The following PCNX1 variants were observed in gnomAD, a reference collection of about 807,000 sequenced individuals.
The protein encoded by PCNX1 is pecanex 1, also known as pecanex-like protein 1.
In PCNX1, 78 loss-of-function variants were observed where a neutral mutation model predicts 242.2. That is an observed-to-expected ratio of 0.32 (90% CI 0.27 to 0.39). The LOEUF (loss-of-function observed/expected upper bound fraction) is 0.39, where lower values mean the gene tolerates loss of function less well. Among genes scored for constraint, PCNX1 ranks in the 10% least tolerant of loss-of-function variants. The pLI is 1.00. For synonymous variants in PCNX1, 1,024 were observed against 1,032.9 expected (o/e 0.99, Z 0.17); for missense variants, 2,581 against 2,856.5 (o/e 0.90, Z 2.20).
intron 6 of PCNX1, among the ~76,000 whole-genome samples, chr14:70,984,473 A>G (rs973197511): frequency 1.3e-5 from 2 of 150,858 alleles, no homozygotes; most frequent in African/African-American, 4.9e-5. Context: ...TGCAAGCTCC[A>G]CCTTCTGAGT....
rs546976271 is a variant in PCNX1, at chr14:70,958,302, C to T, written c.363-3924C>T. Among the ~76,000 whole-genome samples, 24 of 152,180 alleles carry T rather than the reference C, an allele frequency of 1.6e-4. No individual in the cohort carries two copies. The East Asian group carries it at 3.3e-3, about 21-fold the overall frequency. ...ATGGCTTAGAGTTAGGAACCTGTTA[C>T]GCAAACAGGGACATTATAATTATGA... On this transcript the variant is annotated intron_variant, in intron 2 of 35. Transcript: ENST00000304743.
intron 8 of PCNX1, among the ~76,000 whole-genome samples, chr14:71,003,014 A>G (rs2059548531): frequency 6.7e-6 from 1 of 149,912 alleles, no homozygotes; most frequent in African/African-American, 2.5e-5. Context: ...ACATACATAT[A>G]TATCTTCTTT....
Position 71,112,069 on chromosome 14 carries a change from T to G in PCNX1, c.*2134T>G, listed in dbSNP as rs535215890. ...GAAAGGAACTATGTTCCCTGCTGCT[T>G]CTTCCCTTTCTGAAGTGAATATGAT... is the stretch of plus-strand genomic sequence containing the variant. On this transcript the variant is annotated 3_prime_UTR_variant, in exon 36 of 36. Transcript: ENST00000304743. 15 of 152,530 alleles carry G rather than the reference T, an allele frequency of 9.8e-5. No individual in the cohort carries two copies. The highest frequency in any genetic ancestry group is 3.8e-4 in the East Asian group (2 of 5,206). The allele number at this position is 152,530 out of a possible 1,614,324, so 9.4% of individuals were successfully genotyped here.
At chr14:71,053,519 TGTTGACCA>T (rs1323816604) in intron 24 of PCNX1, 1 of 325,190 alleles carries the variant, frequency 3.1e-6, no homozygotes, top group Non-Finnish European at 6.0e-6. Flanking sequence ...GGTTTCACCA[TGTTGACCA>T]GGCTGGTCTT....
At position 71,102,141 on chromosome 14, in the gene PCNX1, G is replaced by A. The variant is rs749604103; in HGVS notation, c.5741G>A (p.Arg1914Gln). The stretch of plus-strand genomic sequence containing the variant: ...AACTCTCCCTCCTTGCTTGCTCTGC[G>A]GCATGTCATGGATGATGGCACCAAT... ...LANSPSLLALRHVMDDGTNEY... is the reference protein window; with the variant it reads ...LANSPSLLALQHVMDDGTNEY... The change falls in exon 31 of 36, where the codon CGG becomes CAG. Residue 1914 changes from arginine (R) to glutamine (Q), a missense_variant. Transcript: ENST00000304743. 2.5e-6 allele frequency: 4 copies of A among 1,614,010 alleles called. No individual in the cohort carries two copies. Among genetic ancestry groups the A allele is most frequent in the Admixed American group, 1.7e-5 (1 of 60,018 alleles).
intron 8 of PCNX1, among the ~76,000 whole-genome samples, chr14:70,996,804 G>A (rs1015272333): frequency 1.3e-5 from 2 of 152,106 alleles, no homozygotes; most frequent in Non-Finnish European, 2.9e-5. Context: ...TCCAGTTACT[G>A]TTTCAACTGG....
rs1323128295 is a variant in PCNX1 at position 70,907,995 on chromosome 14, C to T, written c.145C>T (p.Leu49Phe). Residue 49 changes from leucine to phenylalanine, a missense_variant, in exon 1 of 36, where the codon CTC becomes TTC. By Grantham distance (22) the Leu-to-Phe change is conservative. Around this residue, in one of 9 missense-constraint regions of PCNX1, gnomAD observed 1,204 missense variants for 1,216.7 expected, o/e 0.99. Coordinates refer to ENST00000304743, the MANE Select transcript of PCNX1 (RefSeq NM_014982.3). The part of the protein sequence containing the change: ...WLFLLGLPFT[L>F]YMALPSTMII... ...CTTTCTGCTGGGCCTGCCCTTCACC[C>T]TCTACATGGTGAGTGTGGGGGCGGG... The T allele has an allele frequency of 6.3e-7, 1 of 1,593,038 alleles. No individual in the cohort carries two copies.
At chr14:70,946,402 C>CA (rs2140299279) in intron 1 of PCNX1, among the ~76,000 whole-genome samples, 2 of 152,294 alleles carry the variant, frequency 1.3e-5, no homozygotes, top group South Asian at 4.1e-4. Flanking sequence ...TTGATTTCTT[C>CA]ACATATACTG....
intron 7 of PCNX1, among the ~76,000 whole-genome samples, chr14:70,992,551 C>G (rs1338510632): frequency 9.7e-6 from 1 of 103,238 alleles, no homozygotes; most frequent in Non-Finnish European, 1.9e-5. Flanking sequence ...AGAAAGGTAA[C>G]TAGCAGTATA....
chr14:71,019,063 C>G lies in PCNX1; in HGVS notation c.3051C>G (p.Ala1017=). 1.2e-6 allele frequency: 2 copies of G among 1,613,086 alleles called. No homozygotes were observed. The highest frequency in any genetic ancestry group is 1.7e-6 in the Non-Finnish European group (2 of 1,179,534). The change falls in exon 12 of 36, where the codon GCC becomes GCG. Residue 1017 remains alanine (A), a synonymous_variant. Coordinates refer to ENST00000304743, the MANE Select transcript of PCNX1 (RefSeq NM_014982.3). ...CTGTCATCCTGGCTATTCTCGTGGC[C>G]TTTTTGGGATCTATTCTTCTCATAC... The part of the protein sequence containing the change: ...VLAVILAILV[A]FLGSILLIQG...
intron 6 of PCNX1, among the ~76,000 whole-genome samples, chr14:70,984,067 C>A (rs893743971): frequency 6.6e-6 from 1 of 151,284 alleles, no homozygotes; most frequent in African/African-American, 2.4e-5. Flanking sequence ...GATGCCTTTT[C>A]TTTTTCTGAG....
chr14:71,026,391 T>G (rs2060244690), intron 14 of PCNX1, 103 bp downstream of exon 14: 2 of 688,818 alleles, frequency 2.9e-6, no homozygotes, highest in Admixed American at 3.3e-5. Context: ...TTTAATAAGC[T>G]TATTTTACTG....
Position 71,103,507 on chromosome 14 carries a change from G to C in PCNX1, c.5933G>C (p.Arg1978Thr). 6.2e-7 allele frequency: 1 copy of C among 1,614,192 alleles called. No individual in the cohort carries two copies. The highest frequency in any genetic ancestry group is 8.5e-7 in the Non-Finnish European group (1 of 1,180,024). Residue 1978 changes from arginine to threonine, a missense_variant, in exon 32 of 36, where the codon AGA becomes ACA. By Grantham distance (71) the Arg-to-Thr change is moderately conservative. This residue lies in a region of PCNX1 where 298 missense variants were observed against 480.1 expected (regional missense o/e 0.62). Transcript: ENST00000304743. ...GSIQNAKQAL[R>T]NMINSSCDQP... ...ATCCAAAATGCAAAGCAAGCCCTGA[G>C]AAACATGATAAACTCATCTTGTGAT...
intron 3 of PCNX1, among the ~76,000 whole-genome samples, chr14:70,963,876 T>C (rs895586814): frequency 2.6e-5 from 4 of 152,238 alleles, no homozygotes; most frequent in African/African-American, 9.6e-5. Flanking sequence ...CCAGGGCGAC[T>C]GTTCTCTTGT....
chr14:71,050,318 A>G (rs1012780141), intron 22 of PCNX1, among the ~76,000 whole-genome samples: 1 of 152,178 alleles, frequency 6.6e-6, no homozygotes, highest in Non-Finnish European at 1.5e-5. Flanking sequence ...GTTTTTTTCA[A>G]GAACAGTTAT....
intron 2 of PCNX1, among the ~76,000 whole-genome samples, chr14:70,948,845 A>G (rs57165551): frequency 6.8e-6 from 1 of 147,762 alleles, no homozygotes; most frequent in Non-Finnish European, 1.5e-5. Context: ...AATAAAATGT[A>G]TGTGTGTATA....
Position 71,018,433 on chromosome 14 carries a change from C to CAGAT in PCNX1, c.2997-573_2997-572insTAGA, listed in dbSNP as rs551221842. The stretch of plus-strand genomic sequence containing the variant: ...ATTGTCTTAGCAACTTTGATAGAAG[C>CAGAT]AGAGGTGTTTGTCACTACCTTTAGT... On this transcript the variant is annotated intron_variant, in intron 11 of 35. Coordinates refer to ENST00000304743, the MANE Select transcript of PCNX1 (RefSeq NM_014982.3). Among the ~76,000 whole-genome samples the CAGAT allele has an allele frequency of 3.6e-3, 553 of 152,126 alleles. 1 individual carries two copies. The highest frequency in any genetic ancestry group is 0.013 in the African/African-American group (536 of 41,494).
intron 12 of PCNX1, among the ~76,000 whole-genome samples, chr14:71,021,164 C>G (rs529301881): frequency 6.6e-6 from 1 of 152,164 alleles, no homozygotes; most frequent in East Asian, 1.9e-4. Context: ...GTTACTGTAG[C>G]CTTGTAGTAT....
chr14:71,109,436 T>A lies in PCNX1; in HGVS notation c.6745-16T>A. 3 of 1,586,846 alleles carry A rather than the reference T, an allele frequency of 1.9e-6. No individual in the cohort carries two copies. Among genetic ancestry groups the A allele is most frequent in the Non-Finnish European group, 2.6e-6 (3 of 1,168,236 alleles). ...AAGAAAAAAATGAATTGGAAATGTT[T>A]TTATTTACCATGTAGATTGTGGATC... On this transcript the variant is annotated splice_polypyrimidine_tract_variant and intron_variant, in intron 34 of 35. Transcript: ENST00000304743.
Sources: allele counts gnomAD v4.1 joint callset (sites outside exome capture counted in the v4.1 genomes callset), GRCh38; gene constraint gnomAD v4.1.1; regional missense constraint gnomAD v4.1.1; transcripts MANE v1.5; gene names NCBI Gene and HGNC (gene_info 2026-07-23, HGNC 2026-07-21).